The following EPHB4 variants were observed in gnomAD, a reference collection of about 807,000 sequenced individuals.
EPHB4 encodes ephrin type-B receptor 4.
Under a neutral mutation model 110.6 loss-of-function variants are expected in EPHB4, and 50 were observed. That is an observed-to-expected ratio of 0.45 (90% CI 0.36 to 0.57). The LOEUF (loss-of-function observed/expected upper bound fraction) is 0.57, where lower values mean the gene tolerates loss of function less well. Among genes scored for constraint, EPHB4 ranks in the 20% least tolerant of loss-of-function variants. The pLI, the probability that EPHB4 is intolerant of heterozygous loss-of-function variation, is 0.00. For missense variants in EPHB4, 1,128 were observed against 1,382.1 expected, an observed-to-expected ratio of 0.82 and a Z score of 2.91; for synonymous variants, 592 against 578.4, an observed-to-expected ratio of 1.02 and a Z score of -0.34.
chr7:100,812,810 G>A lies in EPHB4; in HGVS notation c.2055C>T (p.Asn685=), dbSNP rs1812968411. ...CTGTGAGAATCATGACGGGCATGCT[G>A]TTGGTGACCACGCCCTCCAGGCGGA... ...NIIRLEGVVT[N]SMPVMILTEF... is the part of the protein sequence containing the mutation. The change falls in exon 12 of 17, where the codon AAC becomes AAT. Residue 685 remains asparagine (N), a synonymous_variant. Coordinates refer to ENST00000358173, the MANE Select transcript of EPHB4 (RefSeq NM_004444.5). 1.2e-6 allele frequency: 2 copies of A among 1,614,094 alleles called. No homozygotes were observed. The highest frequency in any genetic ancestry group is 3.3e-5 in the Admixed American group (2 of 60,002).
intron 12 of EPHB4, among the ~76,000 whole-genome samples, chr7:100,812,450 AT>A (rs1812956744): frequency 6.6e-6 from 1 of 151,434 alleles, no homozygotes; most frequent in African/African-American, 2.4e-5. Flanking sequence ...ATTAGTCAGC[AT>A]GGTGGTGCAT....
chr7:100,820,751 C>T (rs1249335497), intron 4 of EPHB4, among the ~76,000 whole-genome samples: 1 of 152,150 alleles, frequency 6.6e-6, no homozygotes, highest in Non-Finnish European at 1.5e-5. Context: ...GTTTGGGCTA[C>T]AGCAACATTT....
chr7:100,819,645 G>A lies in EPHB4; in HGVS notation c.1209C>T (p.Thr403=), dbSNP rs761022937. 3.1e-6 allele frequency: 5 copies of A among 1,613,124 alleles called. No individual in the cohort carries two copies. The highest frequency in any genetic ancestry group is 3.4e-6 in the Non-Finnish European group (4 of 1,179,332). ...CCCCGTTCAATGCAGTGACCTCAAA[G>A]GTATAGGTGAAGTCAGGACGTAGCC... ...VRGLRPDFTY[T]FEVTALNGVS... The change falls in exon 6 of 17, where the codon ACC becomes ACT. Residue 403 remains threonine (T), a synonymous_variant. Coordinates refer to ENST00000358173, the MANE Select transcript of EPHB4 (RefSeq NM_004444.5).
chr7:100,813,329 TCC>T, intron 10 of EPHB4, 121 bp from the exon 11 acceptor site: 1 of 761,952 alleles, frequency 1.3e-6, no homozygotes, highest in Non-Finnish European at 2.0e-6. Flanking sequence ...TTTTTTTTTT[TCC>T]TGAGATGGAG....
At chr7:100,805,467 G>T (rs1812798145) in intron 15 of EPHB4, 34 bp downstream of exon 15, 2 of 1,530,940 alleles carry the variant, frequency 1.3e-6, no homozygotes, top group African/African-American at 2.8e-5. Flanking sequence ...GGGGCAGAGA[G>T]CGGGAAGGAG....
intron 4 of EPHB4, 158 bp from the exon 5 acceptor site, chr7:100,820,454 G>T: frequency 2.8e-5 from 15 of 540,670 alleles, no homozygotes; most frequent in Non-Finnish European, 3.5e-5. Flanking sequence ...AACATATCGA[G>T]ATCCCATCTC....
At chr7:100,808,624 C>A (rs1812865057) in intron 12 of EPHB4, among the ~76,000 whole-genome samples, 2 of 152,210 alleles carry the variant, frequency 1.3e-5, no homozygotes, top group Admixed American at 1.3e-4. Context: ...GAGTGAGGAA[C>A]TGCAGTATGA....
rs1188303934 is a variant in EPHB4, at chr7:100,804,669, T to G, written c.2834+497A>C. Among the ~76,000 whole-genome samples the G allele has an allele frequency of 7.2e-5, 11 of 152,070 alleles. No homozygotes were observed. In the East Asian group the frequency reaches 2.1e-3, roughly 29 times the overall value. On this transcript the variant is annotated intron_variant, in intron 16 of 16. Transcript: ENST00000358173. ...ATTCAACCTGGGGTGAGAGGAGATC[T>G]TGGGAGAGGAACGGGAAGGCAGAAA... is the stretch of plus-strand genomic sequence containing the variant.
intron 4 of EPHB4, 169 bp from the exon 5 acceptor site, chr7:100,820,465 CAAA>C (rs11447690): frequency 1.7e-3 from 560 of 328,978 alleles, no homozygotes; most frequent in South Asian, 2.7e-3. Flanking sequence ...ATCCCATCTC[CAAA>C]AAAAAAAAAA....
rs771296488 is a variant in EPHB4, at chr7:100,812,715, G to T, written c.2118+32C>A. 8 of 1,596,734 alleles carry T rather than the reference G, an allele frequency of 5.0e-6. No individual in the cohort carries two copies. The South Asian group carries it at 7.8e-5, about 16-fold the overall frequency. On this transcript the variant is annotated intron_variant, in intron 12 of 16. Transcript: ENST00000358173. Reference sequence around the variant, plus strand: ...GCCTCTGGGTGTAAGTGGGAACTCCGGGTGGCCGCAGAAGCCAGGGAGGGT... The same window carrying T: ...GCCTCTGGGTGTAAGTGGGAACTCCTGGTGGCCGCAGAAGCCAGGGAGGGT...
intron 15 of EPHB4, 67 bp downstream of exon 15, chr7:100,805,434 C>T (rs1345242438): frequency 1.1e-5 from 17 of 1,559,724 alleles, no homozygotes; most frequent in South Asian, 7.3e-5. Flanking sequence ...CACCAATGAA[C>T]GGACACTTCT....
At chr7:100,820,728 C>G (rs1813203770) in intron 4 of EPHB4, among the ~76,000 whole-genome samples, 1 of 152,112 alleles carries the variant, frequency 6.6e-6, no homozygotes, top group Non-Finnish European at 1.5e-5. Flanking sequence ...TGCAATGAAA[C>G]ATGAGGAAAA....
chr7:100,819,001 C>T (rs1477923675), intron 6 of EPHB4, among the ~76,000 whole-genome samples: 1 of 152,182 alleles, frequency 6.6e-6, no homozygotes, highest in African/African-American at 2.4e-5. Context: ...TCAATTTCCC[C>T]CTGGCTGTTT....
chr7:100,814,121 C>T, intron 8 of EPHB4, 100 bp from the exon 9 acceptor site: 3 of 1,324,570 alleles, frequency 2.3e-6, no homozygotes, highest in Middle Eastern at 1.9e-4. Context: ...GAGAACAGGT[C>T]CCCAGTACAG....
intron 12 of EPHB4, among the ~76,000 whole-genome samples, chr7:100,810,062 C>T (rs1408689278): frequency 1.3e-5 from 2 of 152,040 alleles, no homozygotes; most frequent in East Asian, 3.9e-4. Context: ...CCATCCTGGC[C>T]AATATGGTGA....
rs1282651400 is a variant in EPHB4, at chr7:100,817,103, A to AG, written c.1588+88_1588+89insC. The AG allele has an allele frequency of 9.8e-6, 12 of 1,229,764 alleles. No individual in the cohort carries two copies. The African/African-American group carries it at 1.6e-4, about 16-fold the overall frequency. The allele number at this position is 1,229,764 out of a possible 1,614,324, so 76.2% of individuals were successfully genotyped here. A position where few individuals can be genotyped will look rare whatever the true frequency, so the allele number is the denominator to read the frequency against. ...ATCTCAAAAAAAAAAAAAAAAAAAA[A>AG]AGATGATGGGACTTTGGAGACCTGG... On this transcript the variant is annotated intron_variant, in intron 8 of 16. Coordinates refer to ENST00000358173, the MANE Select transcript of EPHB4 (RefSeq NM_004444.5).
intron 1 of EPHB4, 134 bp from the exon 2 acceptor site, chr7:100,824,407 A>C (rs1304659799): frequency 3.5e-5 from 32 of 902,820 alleles, no homozygotes; most frequent in Non-Finnish European, 4.9e-5. Context: ...AGAGGGGAGC[A>C]AGCCCTGCCC....
intron 1 of EPHB4, among the ~76,000 whole-genome samples, chr7:100,826,329 G>A (rs1323633603): frequency 6.6e-6 from 1 of 152,112 alleles, no homozygotes; most frequent in African/African-American, 2.4e-5. Context: ...AGGTCTCAAG[G>A]GAAGCCCGGG....
Position 100,817,292 on chromosome 7 carries a change from C to T in EPHB4, c.1488G>A (p.Gly496=), listed in dbSNP as rs747173949. 11 of 1,596,684 alleles carry T rather than the reference C, an allele frequency of 6.9e-6. No homozygotes were observed. Among genetic ancestry groups the T allele is most frequent in the Non-Finnish European group, 9.4e-6 (11 of 1,172,692 alleles). Residue 496 remains glycine (G), a synonymous_variant, in exon 8 of 17, where the codon GGG becomes GGA. Coordinates refer to ENST00000358173, the MANE Select transcript of EPHB4 (RefSeq NM_004444.5). ...CCAGGTAGCTGGCTCCCCGCTTCAG[C>T]CCCCGCAGCTCTGCCCGGTTTTCTG... is the stretch of plus-strand genomic sequence containing the variant. The part of the protein sequence containing the change: ...KTSENRAELR[G]LKRGASYLVQ...
Sources: gnomAD v4.1 joint callset for allele counts (sites outside exome capture counted in the v4.1 genomes callset) on GRCh38, gnomAD v4.1.1 for gene constraint, MANE v1.5 for transcripts, NCBI Gene and HGNC (gene_info 2026-07-23, HGNC 2026-07-21) for gene names.